Variants in PTPRG observed in about 807,000 individuals in gnomAD.
The protein encoded by PTPRG is receptor-type tyrosine-protein phosphatase gamma.
A neutral mutation model predicts 165.3 loss-of-function variants in PTPRG; 102 were observed. That is an observed-to-expected ratio of 0.62 (90% confidence interval 0.53 to 0.73). The LOEUF is 0.73. Ranked by LOEUF, PTPRG falls within the 30% of genes least tolerant of loss-of-function variation. PTPRG has a pLI of 0.00. For missense variants in PTPRG, 1,866 were observed against 1,861.4 expected (o/e 1.00, Z -0.05); for synonymous variants, 675 against 669.5 (o/e 1.01, Z -0.13).
intron 2 of PTPRG, among the ~76,000 whole-genome samples, chr3:61,784,580 A>G (rs775378600): frequency 3.3e-5 from 5 of 152,200 alleles, no homozygotes; most frequent in African/African-American, 4.8e-5. Flanking sequence ...GACTTAAGCC[A>G]GATCTAGTTA....
At chr3:61,902,149 TTAGCC>T (rs1291087524) in intron 2 of PTPRG, among the ~76,000 whole-genome samples, 2 of 152,230 alleles carry the variant, frequency 1.3e-5, no homozygotes, top group East Asian at 3.9e-4. Context: ...ATGCAGACTG[TTAGCC>T]TGCTCTGGGG....
At chr3:61,896,375 G>T (rs1368978663) in intron 2 of PTPRG, among the ~76,000 whole-genome samples, 1 of 152,132 alleles carries the variant, frequency 6.6e-6, no homozygotes, top group Admixed American at 6.5e-5. Flanking sequence ...TCCATTTTGT[G>T]TATATCAGTG....
rs1701916202 is a variant in PTPRG, at chr3:62,267,426, G to A, written c.2673G>A (p.Val891=). The A allele has an allele frequency of 6.2e-7, 1 of 1,606,884 alleles. No homozygotes were observed. The highest frequency in any genetic ancestry group is 8.5e-7 in the Non-Finnish European group (1 of 1,174,670). The change falls in exon 18 of 30, where the codon GTG becomes GTA. Residue 891 remains valine, a synonymous_variant. Coordinates refer to ENST00000474889, the MANE Select transcript of PTPRG (RefSeq NM_002841.4). ...INILAYDHSR[V]KLRPLPGKDS... ...CTTCTATAGATGATCACAGTAGGGT[G>A]AAGTTAAGACCTTTACCAGGAAAAG...
intron 2 of PTPRG, among the ~76,000 whole-genome samples, chr3:61,811,865 C>G (rs747452451): frequency 3.9e-5 from 6 of 152,196 alleles, no homozygotes; most frequent in Non-Finnish European, 8.8e-5. Flanking sequence ...TTTTGTTCCT[C>G]TGCCAGTACC....
At chr3:62,243,935 T>C (rs1701226615) in intron 15 of PTPRG, 37 bp downstream of exon 15, 4 of 1,244,694 alleles carry the variant, frequency 3.2e-6, no homozygotes, top group Non-Finnish European at 4.6e-6. Flanking sequence ...AATGGGCTAA[T>C]TGTTTTTCTC....
chr3:61,694,473 G>A (rs1219327036), intron 1 of PTPRG, among the ~76,000 whole-genome samples: 2 of 152,118 alleles, frequency 1.3e-5, no homozygotes, highest in Admixed American at 6.5e-5. Flanking sequence ...GTGTCAGTAC[G>A]AACATGCATC....
intron 2 of PTPRG, among the ~76,000 whole-genome samples, chr3:61,838,713 C>G (rs1328775452): frequency 6.6e-6 from 1 of 152,140 alleles, no homozygotes; most frequent in Non-Finnish European, 1.5e-5. Context: ...TATCAAATGA[C>G]TGGTCAAAAA....
In PTPRG at chr3:62,168,042, T is replaced by C. The variant is rs765140931; in HGVS notation, c.912T>C (p.Asn304=). ...DHVKSVEYLR[N]NFRPQQRLHD... is the part of the protein sequence containing the mutation. Reference sequence around the variant, plus strand: ...TCAAGTCGGTGGAGTATCTGAGAAATAACTTTCGACCACAGCAGCGTCTGC... The same window carrying C: ...TCAAGTCGGTGGAGTATCTGAGAAACAACTTTCGACCACAGCAGCGTCTGC... The change falls in exon 8 of 30, where the codon AAT becomes AAC. Residue 304 remains asparagine (N), a synonymous_variant. Coordinates refer to ENST00000474889, the MANE Select transcript of PTPRG (RefSeq NM_002841.4). The C allele has an allele frequency of 5.6e-6, 9 of 1,613,584 alleles. No individual in the cohort carries two copies. The East Asian group carries it at 1.6e-4, about 28-fold the overall frequency.
chr3:62,258,132 G>A (rs575119036), intron 16 of PTPRG, among the ~76,000 whole-genome samples: 1 of 152,094 alleles, frequency 6.6e-6, no homozygotes, highest in Non-Finnish European at 1.5e-5. Flanking sequence ...AGTATTAGCT[G>A]CCCATTACAT....
Position 62,271,359 on chromosome 3 carries a change from C to G in PTPRG, c.3010-24C>G, listed in dbSNP as rs564611690. 1 of 1,570,014 alleles carries G rather than the reference C, an allele frequency of 6.4e-7. No individual in the cohort carries two copies. The highest frequency in any genetic ancestry group is 1.2e-5 in the South Asian group (1 of 84,458). On this transcript the variant is annotated intron_variant, in intron 20 of 29. Coordinates refer to ENST00000474889, the MANE Select transcript of PTPRG (RefSeq NM_002841.4). This position sits in a 1 kb window ranked among gnomAD's most constrained non-coding sequence, Gnocchi z 4.1. ...GAATGTCCACCCCCCCGCTTAAAGA[C>G]ATCTTTTTTCACTTTTCTCACAGGG...
At chr3:62,163,755 C>T (rs1704859005) in intron 7 of PTPRG, among the ~76,000 whole-genome samples, 1 of 152,226 alleles carries the variant, frequency 6.6e-6, no homozygotes, top group South Asian at 2.1e-4. Flanking sequence ...TTATATATCA[C>T]AACTCTTTGA....
intron 2 of PTPRG, among the ~76,000 whole-genome samples, chr3:61,892,271 G>C (rs1384425213): frequency 6.6e-6 from 1 of 152,202 alleles, no homozygotes; most frequent in African/African-American, 2.4e-5. Flanking sequence ...TTGTTGCCCA[G>C]GCTGGAGTGC....
At chr3:61,715,182 TG>T (rs1291745637) in intron 1 of PTPRG, among the ~76,000 whole-genome samples, 1 of 151,538 alleles carries the variant, frequency 6.6e-6, no homozygotes, top group Non-Finnish European at 1.5e-5. Context: ...TTTTTTTCTT[TG>T]TTTTTTTTTT....
chr3:61,728,255 TA>T (rs1403397073), intron 1 of PTPRG, among the ~76,000 whole-genome samples: 1 of 152,166 alleles, frequency 6.6e-6, no homozygotes, highest in Non-Finnish European at 1.5e-5. Context: ...GTGCTTACTT[TA>T]AAAGGATACT....
intron 15 of PTPRG, among the ~76,000 whole-genome samples, chr3:62,250,788 CTCT>C (rs915295665): frequency 1.3e-5 from 2 of 152,182 alleles, no homozygotes; most frequent in African/African-American, 4.8e-5. Context: ...TCAGTTCACC[CTCT>C]TCTGAGGCTC....
chr3:61,742,440 T>G (rs2033029637), intron 1 of PTPRG: 2 of 1,217,904 alleles, frequency 1.6e-6, no homozygotes, highest in Non-Finnish European at 1.1e-6. Flanking sequence ...GTAATAGAAT[T>G]TATTCAAATG....
chr3:61,570,685 C>T (rs1484126990), intron 1 of PTPRG, among the ~76,000 whole-genome samples: 4 of 152,126 alleles, frequency 2.6e-5, no homozygotes, highest in Non-Finnish European at 5.9e-5. Flanking sequence ...CAGCCATAAG[C>T]AATTGACCAA....
chr3:62,184,786 G>A (rs917454264), intron 8 of PTPRG, among the ~76,000 whole-genome samples: 1 of 152,224 alleles, frequency 6.6e-6, no homozygotes, highest in Admixed American at 6.5e-5. Flanking sequence ...GACAGGCACT[G>A]TGAAATAGTG....
chr3:61,703,616 A>G (rs2031094044), intron 1 of PTPRG, among the ~76,000 whole-genome samples: 1 of 152,138 alleles, frequency 6.6e-6, no homozygotes, highest in Non-Finnish European at 1.5e-5. Flanking sequence ...TGCCTCGCTC[A>G]TTTGTAAAGT....
Sources: allele counts gnomAD v4.1 joint callset (sites outside exome capture counted in the v4.1 genomes callset), GRCh38; gene constraint gnomAD v4.1.1; non-coding constraint Gnocchi (gnomAD v3.1); transcripts MANE v1.5; gene names NCBI Gene and HGNC (gene_info 2026-07-23, HGNC 2026-07-21).